The following SHOC1 variants were observed in gnomAD, a reference collection of about 807,000 sequenced individuals.
The protein encoded by SHOC1 is shortage in chiasmata 1, also known as protein shortage in chiasmata 1 ortholog.
In SHOC1, 136 loss-of-function variants were observed where a neutral mutation model predicts 179.2. The observed-to-expected ratio is 0.76, with a 90% CI of 0.66 to 0.87. The LOEUF (loss-of-function observed/expected upper bound fraction) is 0.87, where lower values mean the gene tolerates loss of function less well. Among genes scored for constraint, SHOC1 ranks in the 40% least tolerant of loss-of-function variants. SHOC1 has a pLI of 0.00. For missense variants in SHOC1, 1,538 were observed against 1,700.8 expected, an observed-to-expected ratio of 0.90 and a Z score of 1.68; for synonymous variants, 489 against 586.6, an observed-to-expected ratio of 0.83 and a Z score of 2.41.
intron 15 of SHOC1, 50 bp downstream of exon 15, chr9:111,722,359 T>A: frequency 6.7e-7 from 1 of 1,497,418 alleles, no homozygotes; most frequent in Non-Finnish European, 9.0e-7. Context: ...TTTGATACAA[T>A]AATTTCTAAG....
intron 18 of SHOC1, 40 bp downstream of exon 18, chr9:111,713,060 G>C (rs757622976): frequency 2.4e-5 from 29 of 1,200,514 alleles, no homozygotes; most frequent in Non-Finnish European, 3.4e-5. Context: ...ATAAGTTCAA[G>C]CATTTGTTAT....
At chr9:111,788,279 T>C (rs1056611382) in intron 2 of SHOC1, among the ~76,000 whole-genome samples, 6 of 150,876 alleles carry the variant, frequency 4.0e-5, no homozygotes, top group Non-Finnish European at 5.9e-5. Context: ...CCTGAGTAGC[T>C]GGGATTACAA....
intron 8 of SHOC1, among the ~76,000 whole-genome samples, chr9:111,749,711 C>T (rs1447845040): frequency 3.3e-5 from 5 of 152,072 alleles, no homozygotes; most frequent in East Asian, 1.9e-4. Flanking sequence ...TGTGTTGTTC[C>T]GTCCACCATG....
At chr9:111,775,646 C>T in intron 5 of SHOC1, 145 bp downstream of exon 5, 2 of 572,252 alleles carry the variant, frequency 3.5e-6, no homozygotes, top group East Asian at 6.4e-5. Flanking sequence ...TGAGGAAATA[C>T]TGCCCTAATG....
rs1310789572 is a variant in SHOC1 at position 111,691,780 on chromosome 9, T to A, written c.4197A>T (p.Lys1399Asn). 6.2e-7 allele frequency: 1 copy of A among 1,613,936 alleles called. No individual in the cohort carries two copies. The highest frequency in any genetic ancestry group is 1.3e-5 in the African/African-American group (1 of 75,042). Residue 1399 changes from lysine to asparagine, a missense_variant, in exon 27 of 28, where the codon AAA (lysine) becomes AAT (asparagine). Transcript: ENST00000682961. ...GGCCTTCAGACTCATCTGATAGACATTTTTGCTGATCAGTGAATAAATTAC... is the reference window on the plus strand; with the variant it reads ...GGCCTTCAGACTCATCTGATAGACAATTTTGCTGATCAGTGAATAAATTAC... ...QKGNLFTDQQ[K>N]CLSDESEGLT...
Position 111,778,663 on chromosome 9 carries a change from C to T in SHOC1, c.257+2267G>A, listed in dbSNP as rs561170069. 1.9e-4 allele frequency among the ~76,000 whole-genome samples: 28 copies of T among 148,140 alleles called. No individual in the cohort carries two copies. The South Asian group carries it at 2.4e-3, about 13-fold the overall frequency. ...GTGGATGCCTGTAATATCAGCTACTCGGGAGGCTGAGGCAGGAGAATCACT... is the reference window on the plus strand; with the variant it reads ...GTGGATGCCTGTAATATCAGCTACTTGGGAGGCTGAGGCAGGAGAATCACT... On this transcript the variant is annotated intron_variant, in intron 4 of 27. Transcript: ENST00000682961.
chr9:111,727,797 G>T lies in SHOC1; in HGVS notation c.1670C>A (p.Pro557Gln). 7.4e-6 allele frequency: 12 copies of T among 1,612,732 alleles called. No individual in the cohort carries two copies. The highest frequency in any genetic ancestry group is 9.3e-6 in the Non-Finnish European group (11 of 1,179,524). ...NDHFELDCTG[P>Q]SIKSPSSSII... is the part of the protein sequence containing the mutation. The stretch of plus-strand genomic sequence containing the variant: ...TGAAGAGGAAGGTGATTTAATAGAT[G>T]GTCCTGTGCAGTCAAGTTCAAAGTG... The change falls in exon 13 of 28, where the codon CCA becomes CAA. Residue 557 changes from proline (P) to glutamine (Q), a missense_variant. Pro to Gln is a moderately conservative substitution (Grantham distance 76, BLOSUM62 -1). Coordinates refer to ENST00000682961, the MANE Select transcript of SHOC1 (RefSeq NM_001378211.1).
chr9:111,689,461 C>T (rs907028218), intron 27 of SHOC1, among the ~76,000 whole-genome samples: 3 of 151,454 alleles, frequency 2.0e-5, no homozygotes, highest in African/African-American at 4.8e-5. Flanking sequence ...ATATACACTT[C>T]GGGACAAATG....
At chr9:111,741,263 A>G (rs1451635565) in intron 11 of SHOC1, among the ~76,000 whole-genome samples, 9 of 152,104 alleles carry the variant, frequency 5.9e-5, no homozygotes, top group African/African-American at 2.2e-4. Flanking sequence ...ATGTATAGGA[A>G]TTACCCAGAA....
Position 111,704,098 on chromosome 9 carries a change from T to G in SHOC1, c.2856-106A>C, listed in dbSNP as rs1832130537. 5.5e-5 allele frequency: 31 copies of G among 564,800 alleles called. 1 individual carries two copies. In the South Asian group the frequency reaches 7.8e-4, roughly 14 times the overall value. 35.0% of individuals were successfully genotyped at this position (564,800 alleles called of 1,614,324 possible). A position where few individuals can be genotyped will look rare whatever the true frequency, so the allele number is the denominator to read the frequency against. On this transcript the variant is annotated intron_variant, in intron 21 of 27. Transcript: ENST00000682961. ...GTTAAGTTATTTGGATTTCTATGCT[T>G]TTTCTTTTACATGTCAATTTGTTCT...
chr9:111,764,300 A>G (rs1420248597), intron 5 of SHOC1, among the ~76,000 whole-genome samples: 10 of 152,114 alleles, frequency 6.6e-5, no homozygotes, highest in Admixed American at 6.6e-4. Flanking sequence ...ATTGCTGTTA[A>G]TCTCTTACTG....
At chr9:111,758,633 A>G in intron 6 of SHOC1, 62 bp downstream of exon 6, 1 of 1,404,936 alleles carries the variant, frequency 7.1e-7, no homozygotes, top group Non-Finnish European at 9.6e-7. Flanking sequence ...TAAGCTTGTG[A>G]TCATACTAAA....
chr9:111,709,128 G>A (rs1832412301), intron 18 of SHOC1, among the ~76,000 whole-genome samples: 1 of 152,186 alleles, frequency 6.6e-6, no homozygotes, highest in Non-Finnish European at 1.5e-5. Flanking sequence ...ATCACCTGAG[G>A]TCAGGAGTTC....
chr9:111,761,029 T>C (rs1233754300), intron 5 of SHOC1, among the ~76,000 whole-genome samples: 4 of 151,972 alleles, frequency 2.6e-5, no homozygotes, highest in Admixed American at 1.3e-4. Flanking sequence ...TAGATCATAA[T>C]AGAAAATCCA....
chr9:111,773,966 A>G (rs547425998), intron 5 of SHOC1, among the ~76,000 whole-genome samples: 1 of 152,296 alleles, frequency 6.6e-6, no homozygotes, highest in African/African-American at 2.4e-5. Flanking sequence ...AATAAATAAA[A>G]TTAAAAATCT....
At chr9:111,746,443 G>T in intron 9 of SHOC1, 101 bp from the exon 10 acceptor site, 1 of 653,456 alleles carries the variant, frequency 1.5e-6, no homozygotes, top group Non-Finnish European at 2.7e-6. Context: ...GGGAGGCTGA[G>T]GTAGGAGGAT....
At position 111,736,907 on chromosome 9, in the gene SHOC1, G is replaced by A. The variant is rs1442706017; in HGVS notation, c.1417+1373C>T. ...CCATTAAAAAATGGGCAAAAGACAT[G>A]AACAGACACTTCTCAAAAGAAGACT... On this transcript the variant is annotated intron_variant, in intron 12 of 27. Coordinates refer to ENST00000682961, the MANE Select transcript of SHOC1 (RefSeq NM_001378211.1). Among the ~76,000 whole-genome samples the A allele has an allele frequency of 2.0e-5, 3 of 152,086 alleles. No individual in the cohort carries two copies. The East Asian group carries it at 5.8e-4, about 29-fold the overall frequency.
chr9:111,756,540 C>A, intron 7 of SHOC1, 62 bp from the exon 8 acceptor site: 1 of 1,440,332 alleles, frequency 6.9e-7, no homozygotes, highest in South Asian at 1.3e-5. Context: ...TTTTCGAAAT[C>A]ATAAGTGGAC....
At chr9:111,688,441 A>G (rs1050312953) in intron 27 of SHOC1, among the ~76,000 whole-genome samples, 1 of 152,204 alleles carries the variant, frequency 6.6e-6, no homozygotes, top group Admixed American at 6.5e-5. Flanking sequence ...AAGCACATAC[A>G]AATTTCCAGT....
Sources: allele counts gnomAD v4.1 joint callset (sites outside exome capture counted in the v4.1 genomes callset), GRCh38; gene constraint gnomAD v4.1.1; transcripts MANE v1.5; gene names NCBI Gene and HGNC (gene_info 2026-07-23, HGNC 2026-07-21).